The following AKAP11 variants were observed in gnomAD, a reference collection of about 807,000 sequenced individuals.
AKAP11 encodes the protein A-kinase anchoring protein 11.
Under a neutral mutation model 146.1 loss-of-function variants are expected in AKAP11, and 36 were observed. That is an observed-to-expected ratio of 0.25 (90% CI 0.19 to 0.33). The LOEUF (loss-of-function observed/expected upper bound fraction) is 0.33, where lower values mean the gene tolerates loss of function less well. Ranked by LOEUF, AKAP11 falls within the 10% of genes least tolerant of loss-of-function variation. The probability of loss-of-function intolerance (pLI) is 1.00; values close to 1 mark genes in which losing one functional copy is unlikely to be tolerated. For synonymous variants in AKAP11, 780 were observed against 786.5 expected, an observed-to-expected ratio of 0.99 and a Z score of 0.14; for missense variants, 2,201 against 2,197.0, an observed-to-expected ratio of 1.00 and a Z score of -0.04.
chr13:42,272,891 TATGTAG>T (rs1958813818), intron 1 of AKAP11, among the ~76,000 whole-genome samples: 1 of 152,194 alleles, frequency 6.6e-6, no homozygotes, highest in East Asian at 1.9e-4. Context: ...TTATAAAAAA[TATGTAG>T]ATGTAACCGA....
At position 42,303,562 on chromosome 13, in the gene AKAP11, T is replaced by C. The variant is rs1361813889; in HGVS notation, c.4816T>C (p.Phe1606Leu). 6.2e-7 allele frequency: 1 copy of C among 1,614,120 alleles called. No homozygotes were observed. Among genetic ancestry groups the C allele is most frequent in the African/African-American group, 1.3e-5 (1 of 74,942 alleles). Residue 1606 changes from phenylalanine (F) to leucine (L), a missense_variant, in exon 8 of 13, where the codon TTT (phenylalanine) becomes CTT (leucine). Transcript: ENST00000025301. ...HNCTGNSSQH[F>L]FRQGSLASSK... ...TTGCACTGGAAATTCATCTCAGCACTTTTTCAGACAGGGTTCTCTCGCCAG... is the reference window on the plus strand; with the variant it reads ...TTGCACTGGAAATTCATCTCAGCACCTTTTCAGACAGGGTTCTCTCGCCAG...
intron 3 of AKAP11, among the ~76,000 whole-genome samples, chr13:42,289,894 A>G (rs1042796120): frequency 6.6e-6 from 1 of 152,184 alleles, no homozygotes; most frequent in Admixed American, 6.5e-5. Flanking sequence ...TGAGAAAAAA[A>G]CCTAGTACAA....
rs1226176269 is a variant in AKAP11, at chr13:42,301,460, A to G, written c.2714A>G (p.Asp905Gly). 1 of 1,613,398 alleles carries G rather than the reference A, an allele frequency of 6.2e-7. No homozygotes were observed. Among genetic ancestry groups the G allele is most frequent in the Admixed American group, 1.7e-5 (1 of 59,906 alleles). ...ACAAAAATGGTTGATGAACGTACAG[A>G]TTATTTAACTAAATCTTTAAAGGAG... ...EVTKMVDERTDYLTKSLKEKT... is the reference protein window; with the variant it reads ...EVTKMVDERTGYLTKSLKEKT... Residue 905 changes from aspartate to glycine, a missense_variant, in exon 8 of 13, where the codon GAT becomes GGT. This residue lies in a region of AKAP11 where 1,867 missense variants were observed against 1,833.5 expected (regional missense o/e 1.02). Coordinates refer to ENST00000025301, the MANE Select transcript of AKAP11 (RefSeq NM_016248.4).
At chr13:42,295,793 CT>C in intron 5 of AKAP11, 51 bp downstream of exon 5, 1 of 1,559,832 alleles carries the variant, frequency 6.4e-7, no homozygotes, top group Non-Finnish European at 8.8e-7. Flanking sequence ...TGGAAATCAG[CT>C]TTAGGTTTGA....
At chr13:42,278,124 C>G (rs1423391920) in intron 1 of AKAP11, among the ~76,000 whole-genome samples, 1 of 151,890 alleles carries the variant, frequency 6.6e-6, no homozygotes, top group Non-Finnish European at 1.5e-5. Flanking sequence ...CTTATCTGAC[C>G]CAAAATGTTA....
Position 42,285,433 on chromosome 13 carries a change from A to G in AKAP11, c.-99-553A>G, listed in dbSNP as rs1001546976. Among the ~76,000 whole-genome samples the G allele has an allele frequency of 3.3e-5, 5 of 152,374 alleles. No homozygotes were observed. In the East Asian group the frequency reaches 7.7e-4, roughly 23 times the overall value. ...TTAAATATTTATTTGACTTTTTAAA[A>G]AAAGTATTTAGTTCCCCACTTCTAC... On this transcript the variant is annotated intron_variant, in intron 1 of 12. Transcript: ENST00000025301.
At chr13:42,298,509 T>C (rs1163589972) in intron 6 of AKAP11, 24 bp from the exon 7 acceptor site, 1 of 1,601,900 alleles carries the variant, frequency 6.2e-7, no homozygotes, top group Admixed American at 1.8e-5. Flanking sequence ...AAAATTGTTT[T>C]TATTATCTTT....
intron 7 of AKAP11, 65 bp from the exon 8 acceptor site, chr13:42,299,298 A>G: frequency 7.3e-7 from 1 of 1,375,324 alleles, no homozygotes; most frequent in Middle Eastern, 2.6e-4. Flanking sequence ...TATTCCATGG[A>G]TTTAAGTTAA....
chr13:42,271,773 G>A (rs1227028382), upstream of AKAP11, among the ~76,000 whole-genome samples: 4 of 152,028 alleles, frequency 2.6e-5, no homozygotes, highest in African/African-American at 9.7e-5. Flanking sequence ...AGGTTCGTAG[G>A]TCGCCCTCGA....
chr13:42,306,466 T>G (rs1335133461), intron 8 of AKAP11, among the ~76,000 whole-genome samples: 1 of 152,160 alleles, frequency 6.6e-6, no homozygotes, highest in Non-Finnish European at 1.5e-5. Context: ...CTTCTTAGAG[T>G]TGGGTGAGTA....
chr13:42,302,663 T>C lies in AKAP11; in HGVS notation c.3917T>C (p.Ile1306Thr). ...TATAAAGTAGAAGAGAAGTTGGATA[T>C]AGAGGCTGTAGTGCACCCAAGAGAA... Reference protein sequence around the residue: ...EDYKVEEKLDIEAVVHPREVD... With the variant: ...EDYKVEEKLDTEAVVHPREVD... The change falls in exon 8 of 13, where the codon ATA (isoleucine) becomes ACA (threonine). Residue 1306 changes from isoleucine to threonine, a missense_variant. Coordinates refer to ENST00000025301, the MANE Select transcript of AKAP11 (RefSeq NM_016248.4). 2 of 1,614,118 alleles carry C rather than the reference T, an allele frequency of 1.2e-6. No individual in the cohort carries two copies. Among genetic ancestry groups the C allele is most frequent in the African/African-American group, 1.3e-5 (1 of 75,056 alleles).
chr13:42,300,506 T>G lies in AKAP11; in HGVS notation c.1760T>G (p.Leu587Trp). Residue 587 changes from leucine (L) to tryptophan (W), a missense_variant, in exon 8 of 13, where the codon TTG becomes TGG. Leu to Trp is a moderately conservative substitution (Grantham distance 61, BLOSUM62 -2). Transcript: ENST00000025301. ...GCTTTGTACCACTTAGCCATCAAAT[T>G]GACATCATCTGTTTTGCAGATGGCA... ...TNALYHLAIK[L>W]TSSVLQMAFD... 6.2e-7 allele frequency: 1 copy of G among 1,614,114 alleles called. No individual in the cohort carries two copies. Among genetic ancestry groups the G allele is most frequent in the South Asian group, 1.1e-5 (1 of 91,078 alleles).
rs1401015562 is a variant in AKAP11, at chr13:42,321,754, C to T, written c.*2526C>T. 1 of 152,270 alleles carries T rather than the reference C, an allele frequency of 6.6e-6. No individual in the cohort carries two copies. Among genetic ancestry groups the T allele is most frequent in the Non-Finnish European group, 1.5e-5 (1 of 67,986 alleles). 9.4% of individuals were successfully genotyped at this position (152,270 alleles called of 1,614,324 possible). A position where few individuals can be genotyped will look rare whatever the true frequency, so the allele number is the denominator to read the frequency against. ...ACTGTCTTATTTTATTACAAATTGGCTTGACATATTTATACTGTAACATTG... is the reference window on the plus strand; with the variant it reads ...ACTGTCTTATTTTATTACAAATTGGTTTGACATATTTATACTGTAACATTG... On this transcript the variant is annotated 3_prime_UTR_variant, in exon 13 of 13. Coordinates refer to ENST00000025301, the MANE Select transcript of AKAP11 (RefSeq NM_016248.4).
chr13:42,283,699 G>C (rs1250326573), intron 1 of AKAP11, among the ~76,000 whole-genome samples: 2 of 152,162 alleles, frequency 1.3e-5, no homozygotes, highest in Non-Finnish European at 2.9e-5. Context: ...AAGTCTCCTG[G>C]GAGTTAATGT....
intron 6 of AKAP11, among the ~76,000 whole-genome samples, chr13:42,297,886 G>A (rs866166112): frequency 3.1e-4 from 10 of 32,076 alleles, no homozygotes; most frequent in African/African-American, 8.0e-4. Flanking sequence ...TTCTTTATTC[G>A]TATTTGCTTT....
rs1961086240 is a variant in AKAP11, at chr13:42,321,519, A to G, written c.*2291A>G. 1 of 152,332 alleles carries G rather than the reference A, an allele frequency of 6.6e-6. No homozygotes were observed. Among genetic ancestry groups the G allele is most frequent in the East Asian group, 1.9e-4 (1 of 5,306 alleles). 9.4% of individuals were successfully genotyped at this position (152,332 alleles called of 1,614,324 possible). ...ATTAAATATTGGCAGATGTATGAAA[A>G]GAAGTGTGAGTTAAAAATATTGAAT... On this transcript the variant is annotated 3_prime_UTR_variant, in exon 13 of 13. Transcript: ENST00000025301.
At chr13:42,315,184 T>A (rs2046756485) in intron 11 of AKAP11, among the ~76,000 whole-genome samples, 1 of 152,180 alleles carries the variant, frequency 6.6e-6, no homozygotes, top group Admixed American at 6.5e-5. Flanking sequence ...TTCAGTTAGT[T>A]TAACACCTTG....
chr13:42,290,317 C>A (rs183870977), intron 3 of AKAP11, among the ~76,000 whole-genome samples: 1 of 152,130 alleles, frequency 6.6e-6, no homozygotes, highest in South Asian at 2.1e-4. Context: ...GTGTTCATTC[C>A]GGTCTATCAG....
intron 12 of AKAP11, 128 bp from the exon 13 acceptor site, chr13:42,318,960 A>T (rs577706742): frequency 8.7e-7 from 1 of 1,149,172 alleles, no homozygotes; most frequent in Admixed American, 2.7e-5. Context: ...AGACCTTGTT[A>T]TAACTAGGAA....
Sources: allele counts gnomAD v4.1 joint callset (sites outside exome capture counted in the v4.1 genomes callset), GRCh38; gene constraint gnomAD v4.1.1; regional missense constraint gnomAD v4.1.1; transcripts MANE v1.5; gene names NCBI Gene and HGNC (gene_info 2026-07-23, HGNC 2026-07-21).